The following HCN1 variants were observed in gnomAD, a reference collection of about 807,000 sequenced individuals.
HCN1 encodes hyperpolarization activated cyclic nucleotide gated potassium channel 1.
In HCN1, 13 loss-of-function variants were observed where a neutral mutation model predicts 78.9. The ratio of observed to expected loss-of-function variants is 0.16; its 90% CI spans 0.11 to 0.26. The LOEUF (loss-of-function observed/expected upper bound fraction) is 0.26, where lower values mean the gene tolerates loss of function less well. Ranked by LOEUF, HCN1 falls within the 10% of genes least tolerant of loss-of-function variation. The pLI is 1.00. For synonymous variants in HCN1, 552 were observed against 455.5 expected, an observed-to-expected ratio of 1.21 and a Z score of -2.70; for missense variants, 810 against 1,154.3, an observed-to-expected ratio of 0.70 and a Z score of 4.32.
intron 4 of HCN1, among the ~76,000 whole-genome samples, chr5:45,394,880 C>T (rs562571437): frequency 5.9e-5 from 9 of 151,978 alleles, no homozygotes; most frequent in Admixed American, 1.3e-4. Flanking sequence ...CAGTAAATAC[C>T]AAAGGGTTAT....
intron 2 of HCN1, chr5:45,559,820 G>A (rs1267000747): frequency 2.0e-5 from 3 of 152,076 alleles, no homozygotes; most frequent in Admixed American, 6.6e-5. Flanking sequence ...AACATTATGT[G>A]CTTCAGAGAA....
intron 2 of HCN1, among the ~76,000 whole-genome samples, chr5:45,593,793 GTCTCC>G (rs1269806138): frequency 6.6e-6 from 1 of 152,002 alleles, no homozygotes; most frequent in African/African-American, 2.4e-5. Context: ...TCCTGCCTCA[GTCTCC>G]TGAGTAGCTG....
chr5:45,513,692 T>A (rs1262693215), intron 2 of HCN1, among the ~76,000 whole-genome samples: 3 of 152,156 alleles, frequency 2.0e-5, no homozygotes. Flanking sequence ...CTTATGAGAA[T>A]CTAATGCTTG....
intron 2 of HCN1, among the ~76,000 whole-genome samples, chr5:45,592,007 G>T (rs868818918): frequency 7.5e-5 from 11 of 145,950 alleles, no homozygotes; most frequent in Middle Eastern, 3.4e-3. Context: ...TTTTTTTTTT[G>T]CCACATGGAT....
intron 5 of HCN1, among the ~76,000 whole-genome samples, chr5:45,320,158 C>G (rs1746094541): frequency 6.6e-6 from 1 of 151,852 alleles, no homozygotes; most frequent in Admixed American, 6.6e-5. Context: ...GATCTTCCTT[C>G]TAAGAACTTA....
intron 6 of HCN1, among the ~76,000 whole-genome samples, chr5:45,291,228 C>T (rs1403057126): frequency 6.6e-6 from 1 of 152,010 alleles, no homozygotes; most frequent in African/African-American, 2.4e-5. Flanking sequence ...CTCATATGGA[C>T]CTGTAGTTCA....
intron 2 of HCN1, among the ~76,000 whole-genome samples, chr5:45,530,458 G>T (rs949051763): frequency 1.0e-4 from 15 of 149,326 alleles, no homozygotes; most frequent in Non-Finnish European, 1.9e-4. Context: ...TAAAATAAAG[G>T]GTGCTTTTTT....
In HCN1 at chr5:45,287,066, G is replaced by A. The variant is rs967967158; in HGVS notation, c.1618+16533C>T. ...ATTAAATTCATATTATTTAGCAATA[G>A]GCTAGAAGGTATGCGTGTGTGTGTG... On this transcript the variant is annotated intron_variant, in intron 6 of 7. Coordinates refer to ENST00000303230, the MANE Select transcript of HCN1 (RefSeq NM_021072.4). 2.0e-5 allele frequency among the ~76,000 whole-genome samples: 3 copies of A among 151,554 alleles called. No individual in the cohort carries two copies. In the East Asian group the frequency reaches 5.8e-4, roughly 29 times the overall value.
intron 1 of HCN1, 75 bp from the exon 2 acceptor site, chr5:45,645,683 T>C: frequency 1.2e-6 from 1 of 807,526 alleles, no homozygotes; most frequent in Non-Finnish European, 1.9e-6. Context: ...AAATTATTAC[T>C]GATATATAGT....
chr5:45,635,552 T>C (rs1478622296), intron 2 of HCN1, among the ~76,000 whole-genome samples: 1 of 152,122 alleles, frequency 6.6e-6, no homozygotes, highest in African/African-American at 2.4e-5. Flanking sequence ...CAACGTCTAC[T>C]TTCACTTTAA....
At chr5:45,340,818 C>T (rs1746562801) in intron 5 of HCN1, among the ~76,000 whole-genome samples, 1 of 152,090 alleles carries the variant, frequency 6.6e-6, no homozygotes, top group Non-Finnish European at 1.5e-5. Flanking sequence ...AAGAATGAGA[C>T]ATCAGTTTTA....
intron 7 of HCN1, among the ~76,000 whole-genome samples, chr5:45,264,429 G>A (rs542032366): frequency 6.6e-6 from 1 of 152,312 alleles, no homozygotes; most frequent in African/African-American, 2.4e-5. Flanking sequence ...TAACTGAAAA[G>A]TGAATCAATT....
rs190953868 is a variant in HCN1 at position 45,360,665 on chromosome 5, G to C, written c.1231-7419C>G. ...TTTTCTCAGTAAAAATGTGTTGCTG[G>C]TTATTTTATGAAAAAGTTTTAAGTC... On this transcript the variant is annotated intron_variant, in intron 4 of 7. Coordinates refer to ENST00000303230, the MANE Select transcript of HCN1 (RefSeq NM_021072.4). 2.1e-3 allele frequency among the ~76,000 whole-genome samples: 316 copies of C among 151,894 alleles called. 2 individuals are homozygous for C. Among genetic ancestry groups the C allele is most frequent in the African/African-American group, 7.3e-3 (303 of 41,438 alleles).
In HCN1 at chr5:45,303,843, A is replaced by C. The variant is rs767538006; in HGVS notation, c.1378-4T>G. 6.2e-7 allele frequency: 1 copy of C among 1,611,532 alleles called. No individual in the cohort carries two copies. Among genetic ancestry groups the C allele is most frequent in the African/African-American group, 1.3e-5 (1 of 74,834 alleles). On this transcript the variant is annotated splice_polypyrimidine_tract_variant and splice_region_variant and intron_variant, in intron 5 of 7. Transcript: ENST00000303230. ...GACAGTTGAAGTTGACTATCTCCTA[A>C]AGATGTCAAGAGTAAACAAATATTA...
chr5:45,445,611 C>T lies in HCN1; in HGVS notation c.1011+16235G>A, dbSNP rs189801550. 7.0e-3 allele frequency among the ~76,000 whole-genome samples: 1,070 copies of T among 152,210 alleles called. 5 individuals are homozygous for T. The highest frequency in any genetic ancestry group is 0.065 in the Middle Eastern group (19 of 294). On this transcript the variant is annotated intron_variant, in intron 3 of 7. Transcript: ENST00000303230. Reference sequence around the variant, plus strand: ...AAGTGGGTCCCTGACCCCTGACACCCGAGCAGCCTAACTGGGAGGCACCCC... The same window carrying T: ...AAGTGGGTCCCTGACCCCTGACACCTGAGCAGCCTAACTGGGAGGCACCCC...
At chr5:45,586,388 G>A (rs1282194206) in intron 2 of HCN1, among the ~76,000 whole-genome samples, 1 of 152,144 alleles carries the variant, frequency 6.6e-6, no homozygotes, top group Admixed American at 6.5e-5. Flanking sequence ...CAGTATTAGG[G>A]TGGAAGTGAC....
At chr5:45,632,600 G>A (rs574333923) in intron 2 of HCN1, among the ~76,000 whole-genome samples, 4 of 152,038 alleles carry the variant, frequency 2.6e-5, no homozygotes, top group South Asian at 2.1e-4. Context: ...TATCTAACCC[G>A]AAATTCTGGT....
chr5:45,395,799 C>G (rs141208598), intron 4 of HCN1, among the ~76,000 whole-genome samples: 4 of 152,138 alleles, frequency 2.6e-5, no homozygotes, highest in Non-Finnish European at 5.9e-5. Context: ...AATATTAGTA[C>G]TGTCCCAATA....
At chr5:45,497,958 G>A (rs1319253968) in intron 2 of HCN1, among the ~76,000 whole-genome samples, 1 of 152,194 alleles carries the variant, frequency 6.6e-6, no homozygotes, top group African/African-American at 2.4e-5. Flanking sequence ...GAGATCCGCT[G>A]TTAGTCTGAT....
Sources: gnomAD v4.1 joint callset for allele counts (sites outside exome capture counted in the v4.1 genomes callset) on GRCh38, gnomAD v4.1.1 for gene constraint, MANE v1.5 for transcripts, NCBI Gene and HGNC (gene_info 2026-07-23, HGNC 2026-07-21) for gene names.